CEMIP: variants seen among roughly 807,000 people sequenced by gnomAD.
CEMIP encodes cell migration-inducing and hyaluronan-binding protein.
CEMIP carries 105 observed loss-of-function variants against 156.9 expected under a neutral mutation model. The observed-to-expected ratio is 0.67, with a 90% CI of 0.57 to 0.79. The LOEUF (loss-of-function observed/expected upper bound fraction) is 0.79. CEMIP is among the 30% of genes least tolerant of loss of function. CEMIP has a pLI of 0.00. For synonymous variants in CEMIP, 676 were observed against 668.4 expected (o/e 1.01, Z -0.17); for missense variants, 1,457 against 1,769.4 (o/e 0.82, Z 3.17).
At chr15:80,829,992 G>GTGTGTGTGTGTT (rs1897123297) in intron 1 of CEMIP, among the ~76,000 whole-genome samples, 1 of 146,534 alleles carries the variant, frequency 6.8e-6, no homozygotes, top group African/African-American at 2.5e-5. Context: ...GTGTGTGTGT[G>GTGTGTGTGTGTT]TGTGTGTGTG....
At position 80,887,878 on chromosome 15, in the gene CEMIP, G is replaced by T. The variant is rs147185613; in HGVS notation, c.868+114G>T. The stretch of plus-strand genomic sequence containing the variant: ...AGAGCATGGCTTCCCAGCTCCCAAT[G>T]TCTAGATGAGTGAGCAGCCGCTTAA... On this transcript the variant is annotated intron_variant, in intron 8 of 29. Transcript: ENST00000394685. 202 of 876,026 alleles carry T rather than the reference G, an allele frequency of 2.3e-4. 1 individual carries two copies. In the East Asian group the frequency reaches 4.3e-3, roughly 19 times the overall value. 54.3% of individuals were successfully genotyped at this position (876,026 alleles called of 1,614,324 possible).
At chr15:80,920,393 C>A in intron 15 of CEMIP, 94 bp downstream of exon 15, 1 of 1,184,210 alleles carries the variant, frequency 8.4e-7, no homozygotes, top group Non-Finnish European at 1.2e-6. Context: ...CAGACTTCTG[C>A]ACTTCGGGGC....
At chr15:80,795,414 T>A (rs1254725819) in intron 1 of CEMIP, among the ~76,000 whole-genome samples, 1 of 151,382 alleles carries the variant, frequency 6.6e-6, no homozygotes, top group Non-Finnish European at 1.5e-5. Flanking sequence ...AGGAGAAGTG[T>A]GGGTGGATCC....
At chr15:80,920,907 T>C (rs1161471834) in intron 15 of CEMIP, 125 bp from the exon 16 acceptor site, 4 of 755,684 alleles carry the variant, frequency 5.3e-6, no homozygotes, top group Non-Finnish European at 9.3e-6. Context: ...AAGTCAATGA[T>C]TTCTCAGATC....
intron 1 of CEMIP, among the ~76,000 whole-genome samples, chr15:80,816,101 C>T (rs1008424039): frequency 6.6e-6 from 1 of 152,048 alleles, no homozygotes; most frequent in Admixed American, 6.6e-5. Context: ...AAAGTCAGCG[C>T]TATTTTTCTT....
intron 7 of CEMIP, among the ~76,000 whole-genome samples, chr15:80,884,968 C>T (rs1358040042): frequency 1.3e-5 from 2 of 152,044 alleles, no homozygotes; most frequent in Non-Finnish European, 2.9e-5. Context: ...TGTTTGTTAC[C>T]TAGGTAAACG....
chr15:80,879,586 T>C, intron 4 of CEMIP, 130 bp from the exon 5 acceptor site: 1 of 1,045,006 alleles, frequency 9.6e-7, no homozygotes, highest in East Asian at 2.4e-5. Context: ...AGCATAGGAA[T>C]GTTTGGAAGA....
Position 80,937,930 on chromosome 15 carries a change from G to A in CEMIP, c.3358G>A (p.Glu1120Lys), listed in dbSNP as rs1313251147. The part of the protein sequence containing the change: ...FVRTLQMDKV[E>K]QSYPGRSHYY... ...GAGGACCTTGCAGATGGACAAAGTG[G>A]AGCAGAGCTACCCTGGCAGGAGCCA... The change falls in exon 25 of 30, where the codon GAG (glutamate) becomes AAG (lysine). Residue 1120 changes from glutamate (E) to lysine (K), a missense_variant. This residue lies in a region of CEMIP where 798 missense variants were observed against 980.1 expected (regional missense o/e 0.81). Coordinates refer to ENST00000394685, the MANE Select transcript of CEMIP (RefSeq NM_001293298.2). 1 of 1,614,104 alleles carries A rather than the reference G, an allele frequency of 6.2e-7. No homozygotes were observed. Among genetic ancestry groups the A allele is most frequent in the African/African-American group, 1.3e-5 (1 of 74,928 alleles).
intron 7 of CEMIP, among the ~76,000 whole-genome samples, chr15:80,886,334 A>C (rs1381739153): frequency 6.6e-6 from 1 of 152,024 alleles, no homozygotes; most frequent in Admixed American, 6.6e-5. Flanking sequence ...GGGGCAAAGG[A>C]CCTTCGAATC....
chr15:80,873,799 C>G, intron 2 of CEMIP, 65 bp from the exon 3 acceptor site: 1 of 1,144,274 alleles, frequency 8.7e-7, no homozygotes, highest in Non-Finnish European at 1.3e-6. Flanking sequence ...ATCTCCATGT[C>G]GGCCCTGTAT....
At chr15:80,926,822 G>GT (rs1900692962) in intron 19 of CEMIP, among the ~76,000 whole-genome samples, 1 of 126,058 alleles carries the variant, frequency 7.9e-6, no homozygotes, top group African/African-American at 3.7e-5. Flanking sequence ...GAGCGGGTGG[G>GT]GGGGGGGGGT....
intron 1 of CEMIP, among the ~76,000 whole-genome samples, chr15:80,805,504 G>C (rs148057685): frequency 6.6e-6 from 1 of 152,172 alleles, no homozygotes; most frequent in Admixed American, 6.5e-5. Context: ...GGTGGTTACC[G>C]TGTGGTTAGG....
At chr15:80,801,418 T>C (rs946774480) in intron 1 of CEMIP, among the ~76,000 whole-genome samples, 2 of 152,328 alleles carry the variant, frequency 1.3e-5, no homozygotes, top group Middle Eastern at 3.4e-3. Context: ...CATCACCCAG[T>C]AGACTAGCCT....
intron 14 of CEMIP, among the ~76,000 whole-genome samples, chr15:80,911,527 C>CCACA (rs10596688): frequency 3.4e-5 from 5 of 149,068 alleles, no homozygotes; most frequent in South Asian, 2.2e-4. Flanking sequence ...GGAAAATACA[C>CCACA]CACACACACA....
chr15:80,933,203 T>A, intron 22 of CEMIP, 42 bp from the exon 23 acceptor site: 1 of 1,562,462 alleles, frequency 6.4e-7, no homozygotes, highest in Non-Finnish European at 8.8e-7. Flanking sequence ...GCAGTTTCCC[T>A]TCACCTTCTA....
At chr15:80,828,605 T>C (rs1017256289) in intron 1 of CEMIP, among the ~76,000 whole-genome samples, 2 of 152,246 alleles carry the variant, frequency 1.3e-5, no homozygotes, top group African/African-American at 4.8e-5. Flanking sequence ...TCTTATATAA[T>C]GAATTTTTTC....
At position 80,873,862 on chromosome 15, in the gene CEMIP, A is replaced by G. The variant is rs1396101271; in HGVS notation, c.-16-2A>G. The G allele has an allele frequency of 6.4e-7, 1 of 1,564,244 alleles. No homozygotes were observed. The highest frequency in any genetic ancestry group is 1.2e-5 in the South Asian group (1 of 85,278). On this transcript the variant is annotated splice_acceptor_variant, in intron 2 of 29. Transcript: ENST00000394685. LOFTEE classifies it low-confidence loss of function (5UTR_SPLICE). The stretch of plus-strand genomic sequence containing the variant: ...GTCTGACTCTGTGTGCTTCTCTTTC[A>G]GGGAGCACACTGCCAGGATGGGAGC...
At chr15:80,823,595 C>G (rs906376059) in intron 1 of CEMIP, among the ~76,000 whole-genome samples, 2 of 152,172 alleles carry the variant, frequency 1.3e-5, no homozygotes, top group Non-Finnish European at 2.9e-5. Flanking sequence ...CACGCCATCA[C>G]TTGGGGTCTC....
chr15:80,802,550 G>A (rs963620166), intron 1 of CEMIP, among the ~76,000 whole-genome samples: 2 of 152,212 alleles, frequency 1.3e-5, no homozygotes, highest in South Asian at 2.1e-4. Flanking sequence ...TGGTCTCATC[G>A]CTTTTAAAAT....
Sources: allele counts gnomAD v4.1 joint callset (sites outside exome capture counted in the v4.1 genomes callset), GRCh38; gene constraint gnomAD v4.1.1; regional missense constraint gnomAD v4.1.1; transcripts MANE v1.5; gene names NCBI Gene and HGNC (gene_info 2026-07-23, HGNC 2026-07-21).